CDIP1: variants seen among roughly 807,000 people sequenced by gnomAD.
CDIP1 encodes cell death inducing p53 target 1.
Under a neutral mutation model 17.7 loss-of-function variants are expected in CDIP1, and 9 were observed. The observed-to-expected ratio is 0.51, with a 90% confidence interval of 0.31 to 0.89. The LOEUF is 0.89. CDIP1 is among the 40% of genes least tolerant of loss of function. CDIP1 has a pLI of 0.05. For missense variants in CDIP1, 263 were observed against 277.9 expected (o/e 0.95, Z 0.38); for synonymous variants, 117 against 109.5 (o/e 1.07, Z -0.43).
At chr16:4,537,799 C>T (rs1038742983) in intron 1 of CDIP1, among the ~76,000 whole-genome samples, 29 of 152,376 alleles carry the variant, frequency 1.9e-4, no homozygotes, top group Admixed American at 6.5e-4. Flanking sequence ...CTCGCCCCAC[C>T]TCATCTAACA....
Position 4,510,828 on chromosome 16 carries a change from G to A in CDIP1, c.*1744C>T, listed in dbSNP as rs796916129. On this transcript the variant is annotated 3_prime_UTR_variant, in exon 6 of 6. Coordinates refer to ENST00000567695, the MANE Select transcript of CDIP1 (RefSeq NM_013399.3). ...AGACTGCCACCTTCATAATTCAGATGAGTTAGTGCAGAGATGGCCAGGGCC... is the reference window on the plus strand; with the variant it reads ...AGACTGCCACCTTCATAATTCAGATAAGTTAGTGCAGAGATGGCCAGGGCC... The A allele has an allele frequency of 9.8e-5, 15 of 152,316 alleles. No homozygotes were observed. The highest frequency in any genetic ancestry group is 3.4e-4 in the African/African-American group (14 of 41,566). 9.4% of individuals were successfully genotyped at this position (152,316 alleles called of 1,614,324 possible).
chr16:4,521,701 A>T (rs930110359), intron 1 of CDIP1, among the ~76,000 whole-genome samples: 4 of 89,028 alleles, frequency 4.5e-5, no homozygotes, highest in Non-Finnish European at 8.1e-5. Context: ...CATCAATATT[A>T]AAAAAAAAAA....
intron 1 of CDIP1, among the ~76,000 whole-genome samples, chr16:4,531,271 G>A (rs1349849496): frequency 6.6e-6 from 1 of 151,730 alleles, no homozygotes; most frequent in Non-Finnish European, 1.5e-5. Context: ...CTCGTGATCC[G>A]CCTACCTCGG....
intron 1 of CDIP1, among the ~76,000 whole-genome samples, chr16:4,525,434 A>G (rs985186079): frequency 5.3e-5 from 8 of 152,146 alleles, no homozygotes; most frequent in Non-Finnish European, 8.8e-5. Flanking sequence ...TAGAGCATGC[A>G]CTGTTTGGAT....
At chr16:4,527,836 G>A (rs2059015540) in intron 1 of CDIP1, among the ~76,000 whole-genome samples, 1 of 152,102 alleles carries the variant, frequency 6.6e-6, no homozygotes, top group African/African-American at 2.4e-5. Flanking sequence ...TGTTTTTTGA[G>A]ATGGAGTCTC....
At chr16:4,527,630 A>G (rs2059013540) in intron 1 of CDIP1, among the ~76,000 whole-genome samples, 1 of 152,216 alleles carries the variant, frequency 6.6e-6, no homozygotes, top group Non-Finnish European at 1.5e-5. Flanking sequence ...TGCTACCTGT[A>G]CACTCTTATG....
chr16:4,522,154 C>G (rs977276901), intron 1 of CDIP1, among the ~76,000 whole-genome samples: 1 of 152,200 alleles, frequency 6.6e-6, no homozygotes, highest in Admixed American at 6.5e-5. Flanking sequence ...CCTCACAGCA[C>G]AGCTCAGCTG....
chr16:4,537,609 C>A (rs564237658), intron 1 of CDIP1, among the ~76,000 whole-genome samples: 1 of 152,218 alleles, frequency 6.6e-6, no homozygotes, highest in Non-Finnish European at 1.5e-5. Context: ...AGGTTCTCAG[C>A]CCCAGCTGCG....
chr16:4,536,113 A>G (rs915874451), intron 1 of CDIP1, among the ~76,000 whole-genome samples: 9 of 152,216 alleles, frequency 5.9e-5, no homozygotes, highest in Admixed American at 1.3e-4. Flanking sequence ...CCTACAGGAC[A>G]GTGACATGCT....
Position 4,512,429 on chromosome 16 carries a change from G to C in CDIP1, c.*143C>G, listed in dbSNP as rs1470146862. On this transcript the variant is annotated 3_prime_UTR_variant, in exon 6 of 6. Coordinates refer to ENST00000567695, the MANE Select transcript of CDIP1 (RefSeq NM_013399.3). The surrounding 1 kb of genome is among the most constrained non-coding windows in gnomAD (Gnocchi z 4.6). ...CAGAAGAGTCAGCGGCTCAGGTAGG[G>C]CAGGGTGAAGAGGACAGGACTTCTA... 2.0e-5 allele frequency: 13 copies of C among 662,644 alleles called. No individual in the cohort carries two copies. The highest frequency in any genetic ancestry group is 3.6e-5 in the Non-Finnish European group (13 of 365,172). The allele number at this position is 662,644 out of a possible 1,614,324, so 41.0% of individuals were successfully genotyped here.
At chr16:4,523,458 G>A (rs947576819) in intron 1 of CDIP1, among the ~76,000 whole-genome samples, 1 of 152,100 alleles carries the variant, frequency 6.6e-6, no homozygotes, top group African/African-American at 2.4e-5. Flanking sequence ...AGGTTGTAGT[G>A]AGCCAAGATC....
rs1375033583 is a variant in CDIP1 at position 4,512,064 on chromosome 16, G to C, written c.*508C>G. 1 of 162,080 alleles carries C rather than the reference G, an allele frequency of 6.2e-6. No individual in the cohort carries two copies. Among genetic ancestry groups the C allele is most frequent in the Non-Finnish European group, 1.4e-5 (1 of 73,124 alleles). The allele number at this position is 162,080 out of a possible 1,614,324, so 10.0% of individuals were successfully genotyped here. A position where few individuals can be genotyped will look rare whatever the true frequency, so the allele number is the denominator to read the frequency against. Reference sequence around the variant, plus strand: ...ACCTCTAGCACCCCAGAGGCGCAAAGTACCCAGAAACAAACCCAGGCTTTG... The same window carrying C: ...ACCTCTAGCACCCCAGAGGCGCAAACTACCCAGAAACAAACCCAGGCTTTG... On this transcript the variant is annotated 3_prime_UTR_variant, in exon 6 of 6. Coordinates refer to ENST00000567695, the MANE Select transcript of CDIP1 (RefSeq NM_013399.3). The surrounding 1 kb of genome is among the most constrained non-coding windows in gnomAD (Gnocchi z 4.6).
At chr16:4,526,896 C>T (rs2059006838) in intron 1 of CDIP1, among the ~76,000 whole-genome samples, 1 of 151,982 alleles carries the variant, frequency 6.6e-6, no homozygotes. Flanking sequence ...TCAGGCCCCA[C>T]GCCCACCACC....
chr16:4,515,487 T>TG (rs2058878715), intron 1 of CDIP1, among the ~76,000 whole-genome samples: 1 of 152,216 alleles, frequency 6.6e-6, no homozygotes. Flanking sequence ...GTCATCAGAA[T>TG]GAAAAACTCT....
chr16:4,528,455 G>A (rs1246636407), intron 1 of CDIP1, among the ~76,000 whole-genome samples: 3 of 152,150 alleles, frequency 2.0e-5, no homozygotes, highest in Non-Finnish European at 4.4e-5. Context: ...ATACAGAAAC[G>A]TTCTACTGAT....
At position 4,512,851 on chromosome 16, in the gene CDIP1, TTGG is replaced by T; in HGVS notation, c.452_454del (p.Thr151del). On this transcript the variant is annotated inframe_deletion, in exon 5 of 6. Transcript: ENST00000567695. This position sits in a 1 kb window ranked among gnomAD's most constrained non-coding sequence, Gnocchi z 4.6. Reference sequence around the variant, plus strand: ...CATCAAGCCAATCTCGTAGGAGATCTTGGTGGTGATGGCCTGCTGGCAGTGGGG... The same window carrying T: ...CATCAAGCCAATCTCGTAGGAGATCTTGGTGATGGCCTGCTGGCAGTGGGG... 1 of 1,562,402 alleles carries T rather than the reference TTGG, an allele frequency of 6.4e-7. No homozygotes were observed. The highest frequency in any genetic ancestry group is 8.7e-7 in the Non-Finnish European group (1 of 1,152,740).
chr16:4,527,423 C>G (rs934515617), intron 1 of CDIP1, among the ~76,000 whole-genome samples: 2 of 152,166 alleles, frequency 1.3e-5, no homozygotes, highest in African/African-American at 4.8e-5. Context: ...AATCAAAAGG[C>G]AGACAGGACT....
chr16:4,515,125 A>G (rs1184393008), intron 1 of CDIP1: 6 of 152,238 alleles, frequency 3.9e-5, no homozygotes, highest in African/African-American at 1.4e-4. Context: ...GGACTTGGGA[A>G]GTGGGGTTCA....
chr16:4,512,560 G>C lies in CDIP1; in HGVS notation c.*12C>G, dbSNP rs374995406. On this transcript the variant is annotated 3_prime_UTR_variant, in exon 6 of 6. Coordinates refer to ENST00000567695, the MANE Select transcript of CDIP1 (RefSeq NM_013399.3). This position sits in a 1 kb window ranked among gnomAD's most constrained non-coding sequence, Gnocchi z 4.6. Reference sequence around the variant, plus strand: ...AGACTGACAGGCGGGGGAGTCCCGAGTCCCAGCTCCGTTAGCACAGGCGCT... The same window carrying C: ...AGACTGACAGGCGGGGGAGTCCCGACTCCCAGCTCCGTTAGCACAGGCGCT... 5.6e-6 allele frequency: 9 copies of C among 1,598,410 alleles called. No individual in the cohort carries two copies. Among genetic ancestry groups the C allele is most frequent in the Non-Finnish European group, 7.7e-6 (9 of 1,165,976 alleles).
Sources: gnomAD v4.1 joint callset for allele counts (sites outside exome capture counted in the v4.1 genomes callset) on GRCh38, gnomAD v4.1.1 for gene constraint, Gnocchi (gnomAD v3.1) non-coding constraint, MANE v1.5 for transcripts, NCBI Gene and HGNC (gene_info 2026-07-23, HGNC 2026-07-21) for gene names.